The following AIG1 variants were observed in gnomAD, a reference collection of about 807,000 sequenced individuals.
The protein encoded by AIG1 is androgen induced 1, also known as androgen-induced gene 1 protein.
AIG1 carries 23 observed loss-of-function variants against 31.4 expected under a neutral mutation model. That is an observed-to-expected ratio of 0.73 (90% CI 0.53 to 1.04). The LOEUF (loss-of-function observed/expected upper bound fraction) is 1.04, where lower values mean the gene tolerates loss of function less well. AIG1 is among the 50% of genes least tolerant of loss of function. The probability of loss-of-function intolerance (pLI) is 0.00; values close to 1 mark genes in which losing one functional copy is unlikely to be tolerated. For synonymous variants in AIG1, 100 were observed against 110.5 expected (o/e 0.90, Z 0.60); for missense variants, 274 against 295.0 (o/e 0.93, Z 0.52).
intron 3 of AIG1, among the ~76,000 whole-genome samples, chr6:143,251,041 C>T (rs1328093813): frequency 6.6e-6 from 1 of 152,186 alleles, no homozygotes; most frequent in South Asian, 2.1e-4. Context: ...AGAACTGTGA[C>T]AGAATACATT....
intron 3 of AIG1, among the ~76,000 whole-genome samples, chr6:143,220,527 C>G (rs748484851): frequency 1.1e-4 from 16 of 152,030 alleles, no homozygotes; most frequent in Non-Finnish European, 2.4e-4. Flanking sequence ...GGTTTAATTG[C>G]CAACTCTGAA....
At chr6:143,312,340 A>T (rs556140672) in intron 4 of AIG1, among the ~76,000 whole-genome samples, 1 of 152,194 alleles carries the variant, frequency 6.6e-6, no homozygotes, top group East Asian at 1.9e-4. Context: ...TGAAAACAGC[A>T]TAGTACTGGC....
intron 4 of AIG1, among the ~76,000 whole-genome samples, chr6:143,289,493 T>G (rs1299552709): frequency 6.6e-6 from 1 of 152,156 alleles, no homozygotes; most frequent in African/African-American, 2.4e-5. Context: ...AGGGTCCCCT[T>G]GGCCCAGAGG....
At chr6:143,218,643 G>A (rs1417030515) in intron 3 of AIG1, among the ~76,000 whole-genome samples, 1 of 152,128 alleles carries the variant, frequency 6.6e-6, no homozygotes, top group African/African-American at 2.4e-5. Flanking sequence ...CTTGAGTGTA[G>A]ATAGAACATA....
chr6:143,207,421 C>G (rs543384273), intron 3 of AIG1, among the ~76,000 whole-genome samples: 1 of 152,080 alleles, frequency 6.6e-6, no homozygotes, highest in South Asian at 2.1e-4. Context: ...CAAGCTAAGA[C>G]TTTGTAAGAA....
At chr6:143,117,528 G>A (rs996432602) in intron 1 of AIG1, among the ~76,000 whole-genome samples, 8 of 152,046 alleles carry the variant, frequency 5.3e-5, no homozygotes, top group Non-Finnish European at 1.0e-4. Context: ...TGAGGATGAC[G>A]GTGGAAGAAG....
At chr6:143,129,673 A>G (rs964582926) in intron 1 of AIG1, among the ~76,000 whole-genome samples, 3 of 151,896 alleles carry the variant, frequency 2.0e-5, no homozygotes, top group Admixed American at 1.3e-4. Flanking sequence ...CCTTTTTTTC[A>G]TGTTAAGCTT....
downstream of AIG1, chr6:143,342,137 T>C (rs1777868902): frequency 5.9e-6 from 3 of 508,568 alleles, no homozygotes; most frequent in Non-Finnish European, 1.1e-5. Flanking sequence ...TTGGTCAGGC[T>C]GGTCTCAAAC....
chr6:143,278,165 TAAA>T (rs1480240200), intron 3 of AIG1, among the ~76,000 whole-genome samples: 1 of 152,238 alleles, frequency 6.6e-6, no homozygotes, highest in Non-Finnish European at 1.5e-5. Context: ...TGTCAGAATC[TAAA>T]CCTCCAACTC....
intron 3 of AIG1, among the ~76,000 whole-genome samples, chr6:143,175,608 T>G (rs1034572265): frequency 2.0e-5 from 3 of 152,250 alleles, no homozygotes; most frequent in Admixed American, 1.3e-4. Flanking sequence ...ACTGAGACTT[T>G]CCAGTGCATT....
In AIG1 at chr6:143,291,836, C is replaced by T. The variant is rs1798083259; in HGVS notation, c.515+7611C>T. Among the ~76,000 whole-genome samples the T allele has an allele frequency of 6.6e-6, 1 of 152,104 alleles. No individual in the cohort carries two copies. The highest frequency in any genetic ancestry group is 1.5e-5 in the Non-Finnish European group (1 of 68,016). ...GTGAGGGAAGGAGAGCATTAGAGGCCACTGGAAAGACTGTCCTTAATTCAG... is the reference window on the plus strand; with the variant it reads ...GTGAGGGAAGGAGAGCATTAGAGGCTACTGGAAAGACTGTCCTTAATTCAG... On this transcript the variant is annotated intron_variant, in intron 4 of 5. Coordinates refer to ENST00000357847, the MANE Select transcript of AIG1 (RefSeq NM_016108.4). The surrounding 1 kb of genome is among the most constrained non-coding windows in gnomAD (Gnocchi z 4.2).
chr6:143,192,110 C>G lies in AIG1; in HGVS notation c.399+26927C>G, dbSNP rs189112977. Among the ~76,000 whole-genome samples, 5 of 152,272 alleles carry G rather than the reference C, an allele frequency of 3.3e-5. No homozygotes were observed. In the East Asian group the frequency reaches 9.6e-4, roughly 29 times the overall value. The stretch of plus-strand genomic sequence containing the variant: ...TTGCTTTAAACTTTTAACTTCAGTG[C>G]TGGTGCTGGAGGGAAAACAGATTTA... On this transcript the variant is annotated intron_variant, in intron 3 of 5. Coordinates refer to ENST00000357847, the MANE Select transcript of AIG1 (RefSeq NM_016108.4).
intron 1 of AIG1, among the ~76,000 whole-genome samples, chr6:143,129,764 C>T (rs974664404): frequency 6.6e-6 from 1 of 151,682 alleles, no homozygotes; most frequent in Admixed American, 6.6e-5. Context: ...CTTATTTATA[C>T]AAAAAATTGT....
chr6:143,187,766 G>A, intron 3 of AIG1: 2 of 1,520,424 alleles, frequency 1.3e-6, no homozygotes, highest in Non-Finnish European at 1.8e-6. Context: ...CTCTGCACAA[G>A]AAGGACATTT....
At chr6:143,317,398 C>T (rs1481821673) in intron 4 of AIG1, among the ~76,000 whole-genome samples, 1 of 152,030 alleles carries the variant, frequency 6.6e-6, no homozygotes, top group Non-Finnish European at 1.5e-5. Flanking sequence ...GAATTAAAAA[C>T]AAAAATCACA....
downstream of AIG1, chr6:143,342,281 C>T: frequency 4.4e-6 from 3 of 686,364 alleles, no homozygotes; most frequent in Admixed American, 6.1e-5. Context: ...GAGGCTGGGG[C>T]TGCGGCTCAG....
rs142435806 is a variant in AIG1, at chr6:143,337,087, A to T, written c.680-2552A>T. ...CCCTGCCTTCCAGGCACAGGGTCAC[A>T]GGAGCCCCACCCCCACAGCCCTGGG... On this transcript the variant is annotated intron_variant, in intron 5 of 5. Coordinates refer to ENST00000357847, the MANE Select transcript of AIG1 (RefSeq NM_016108.4). Among the ~76,000 whole-genome samples, 3 of 152,332 alleles carry T rather than the reference A, an allele frequency of 2.0e-5. No homozygotes were observed. In the East Asian group the frequency reaches 5.8e-4, roughly 29 times the overall value.
chr6:143,178,567 C>G (rs994521336), intron 3 of AIG1, among the ~76,000 whole-genome samples: 3 of 152,208 alleles, frequency 2.0e-5, no homozygotes, highest in Non-Finnish European at 2.9e-5. Flanking sequence ...CTTGAGGTCT[C>G]TCTGGGCTCT....
intron 1 of AIG1, among the ~76,000 whole-genome samples, chr6:143,091,751 A>G (rs1480657650): frequency 6.6e-6 from 1 of 152,226 alleles, no homozygotes; most frequent in African/African-American, 2.4e-5. Context: ...TTTTAGTATG[A>G]GAGTACTAAA....
Sources: gnomAD v4.1 joint callset for allele counts (sites outside exome capture counted in the v4.1 genomes callset) on GRCh38, gnomAD v4.1.1 for gene constraint, Gnocchi (gnomAD v3.1) non-coding constraint, MANE v1.5 for transcripts, NCBI Gene and HGNC (gene_info 2026-07-23, HGNC 2026-07-21) for gene names.